Variants in RBM18 observed in about 807,000 individuals in gnomAD.
RBM18 encodes probable RNA-binding protein 18.
Under a neutral mutation model 26.4 loss-of-function variants are expected in RBM18, and 18 were observed. That is an observed-to-expected ratio of 0.68 (90% CI 0.47 to 1.01). RBM18 has a LOEUF of 1.01. RBM18 is among the 50% of genes least tolerant of loss of function. The probability of loss-of-function intolerance (pLI) is 0.00; values close to 1 mark genes in which losing one functional copy is unlikely to be tolerated. For missense variants in RBM18, 180 were observed against 219.2 expected, an observed-to-expected ratio of 0.82 and a Z score of 1.13; for synonymous variants, 74 against 81.1, an observed-to-expected ratio of 0.91 and a Z score of 0.47.
rs563593236 is a variant in RBM18 at position 122,242,111 on chromosome 9, C to G, written c.414-68G>C. The G allele has an allele frequency of 2.6e-4, 373 of 1,451,528 alleles. 5 individuals carry two copies. Among genetic ancestry groups the G allele is most frequent in the Non-Finnish European group, 4.7e-5 (50 of 1,066,764 alleles). 89.9% of individuals were successfully genotyped at this position (1,451,528 alleles called of 1,614,324 possible). On this transcript the variant is annotated intron_variant, in intron 5 of 5. Transcript: ENST00000417201. ...TTCAGAAAATAGCTGTACAGTTCCT[C>G]TCCTTGAGCCTCTTGGGAATATTAG...
At position 122,242,059 on chromosome 9, in the gene RBM18, C is replaced by T; in HGVS notation, c.414-16G>A. ...TGCAGTGACACTGGAAAAATAATAGCAGAGGATCAGAGTGGGCCTAGGTAT... is the reference window on the plus strand; with the variant it reads ...TGCAGTGACACTGGAAAAATAATAGTAGAGGATCAGAGTGGGCCTAGGTAT... On this transcript the variant is annotated splice_polypyrimidine_tract_variant and intron_variant, in intron 5 of 5. Coordinates refer to ENST00000417201, the MANE Select transcript of RBM18 (RefSeq NM_033117.4). 6.2e-7 allele frequency: 1 copy of T among 1,613,394 alleles called. No homozygotes were observed. Among genetic ancestry groups the T allele is most frequent in the African/African-American group, 1.3e-5 (1 of 74,976 alleles).
At chr9:122,244,608 A>G (rs1007400477) in intron 5 of RBM18, among the ~76,000 whole-genome samples, 1 of 152,210 alleles carries the variant, frequency 6.6e-6, no homozygotes, top group African/African-American at 2.4e-5. Flanking sequence ...GCTTCAGCGT[A>G]AGCTCAATAA....
chr9:122,247,051 C>T (rs1196107610), intron 4 of RBM18, among the ~76,000 whole-genome samples: 1 of 152,154 alleles, frequency 6.6e-6, no homozygotes, highest in African/African-American at 2.4e-5. Flanking sequence ...ACCCTAGTAA[C>T]TCCCAAGATT....
At chr9:122,247,726 C>T in intron 3 of RBM18, 122 bp from the exon 4 acceptor site, 1 of 717,044 alleles carries the variant, frequency 1.4e-6, no homozygotes, top group Non-Finnish European at 2.4e-6. Flanking sequence ...TGGTAAATAA[C>T]TGGCAAGGGT....
chr9:122,252,025 T>C, intron 2 of RBM18, 52 bp from the exon 3 acceptor site: 2 of 1,606,060 alleles, frequency 1.2e-6, no homozygotes, highest in Non-Finnish European at 1.7e-6. Context: ...TGTTGGCCAC[T>C]CAGCCTGAAG....
At chr9:122,250,039 C>G (rs977907307) in intron 3 of RBM18, among the ~76,000 whole-genome samples, 2 of 115,398 alleles carry the variant, frequency 1.7e-5, no homozygotes, top group Admixed American at 2.4e-4. Context: ...CACTGCACTC[C>G]AGCCTGGGTA....
rs1050421135 is a variant in RBM18 at position 122,253,682 on chromosome 9, G to A, written c.114-1709C>T. On this transcript the variant is annotated intron_variant, in intron 2 of 5. Coordinates refer to ENST00000417201, the MANE Select transcript of RBM18 (RefSeq NM_033117.4). Reference sequence around the variant, plus strand: ...CTAAGCCTATTCAAATCTTAACACCGTGCCAGTTGCCACAGAATGGGGAGT... The same window carrying A: ...CTAAGCCTATTCAAATCTTAACACCATGCCAGTTGCCACAGAATGGGGAGT... Among the ~76,000 whole-genome samples the A allele has an allele frequency of 8.0e-5, 12 of 150,116 alleles. 1 individual carries two copies. The highest frequency in any genetic ancestry group is 2.1e-4 in the South Asian group (1 of 4,746).
intron 3 of RBM18, among the ~76,000 whole-genome samples, chr9:122,249,717 AAAC>A (rs1474753916): frequency 3.5e-4 from 53 of 151,950 alleles, no homozygotes; most frequent in African/African-American, 1.2e-3. Flanking sequence ...TCAAAAAAAA[AAAC>A]AACAACAAAA....
At chr9:122,251,634 G>A (rs1831607594) in intron 3 of RBM18, among the ~76,000 whole-genome samples, 1 of 152,196 alleles carries the variant, frequency 6.6e-6, no homozygotes. Context: ...TGAGTCAGTT[G>A]CCTTAAACTT....
At chr9:122,259,230 T>C (rs918643302) in intron 2 of RBM18, among the ~76,000 whole-genome samples, 2 of 152,162 alleles carry the variant, frequency 1.3e-5, no homozygotes, top group East Asian at 1.9e-4. Flanking sequence ...AGGACACAAT[T>C]AGAACAAAAG....
In RBM18 at chr9:122,241,847, A is replaced by T. The variant is rs1564453884; in HGVS notation, c.*37T>A. The stretch of plus-strand genomic sequence containing the variant: ...CAGGCAGACGATTTTAGGTGTGGAG[A>T]CCAATTTGCTTTTGCTGCTACAGTA... On this transcript the variant is annotated 3_prime_UTR_variant, in exon 6 of 6. Coordinates refer to ENST00000417201, the MANE Select transcript of RBM18 (RefSeq NM_033117.4). The T allele has an allele frequency of 6.2e-7, 1 of 1,602,182 alleles. No individual in the cohort carries two copies. The highest frequency in any genetic ancestry group is 2.2e-5 in the East Asian group (1 of 44,774).
At chr9:122,253,589 TCA>T (rs1564457343) in intron 2 of RBM18, among the ~76,000 whole-genome samples, 1 of 152,060 alleles carries the variant, frequency 6.6e-6, no homozygotes, top group East Asian at 1.9e-4. Context: ...GGTGAGTCTC[TCA>T]CACACAAAGA....
rs1383790951 is a variant in RBM18, at chr9:122,242,014, G to C, written c.443C>G (p.Ala148Gly). 1.2e-6 allele frequency: 2 copies of C among 1,613,982 alleles called. No individual in the cohort carries two copies. The highest frequency in any genetic ancestry group is 1.7e-6 in the Non-Finnish European group (2 of 1,179,968). The change falls in exon 6 of 6, where the codon GCA becomes GGA. Residue 148 changes from alanine to glycine, a missense_variant. Coordinates refer to ENST00000417201, the MANE Select transcript of RBM18 (RefSeq NM_033117.4). ...SVTAKIKAIE[A>G]KLKMMAENPD... is the part of the protein sequence containing the mutation. ...ATTTTCCGCCATCATTTTCAGTTTTGCTTCAATGGCTTTTATCTTTGCAGT... is the reference window on the plus strand; with the variant it reads ...ATTTTCCGCCATCATTTTCAGTTTTCCTTCAATGGCTTTTATCTTTGCAGT...
chr9:122,249,517 C>G (rs1831563880), intron 3 of RBM18, among the ~76,000 whole-genome samples: 1 of 149,786 alleles, frequency 6.7e-6, no homozygotes, highest in Non-Finnish European at 1.5e-5. Context: ...GTTTGATCAG[C>G]CTGACAACAT....
Position 122,261,468 on chromosome 9 carries a change from G to A in RBM18, c.25C>T (p.Pro9Ser). 2.5e-6 allele frequency: 4 copies of A among 1,614,086 alleles called. No individual in the cohort carries two copies. The highest frequency in any genetic ancestry group is 3.4e-6 in the Non-Finnish European group (4 of 1,179,926). The part of the protein sequence containing the change: MEAETKTL[P>S]LENASILSEG... ...GAAAGGATGGATGCATTCTCCAGGG[G>A]AAGAGTTTTGGTTTCTGCTTCCATC... Residue 9 changes from proline to serine, a missense_variant, in exon 2 of 6, where the codon CCC (proline) becomes TCC (serine). By Grantham distance (74) the Pro-to-Ser change is moderately conservative. Transcript: ENST00000417201.
At chr9:122,242,632 T>C (rs1405808758) in intron 5 of RBM18, among the ~76,000 whole-genome samples, 1 of 151,784 alleles carries the variant, frequency 6.6e-6, no homozygotes, top group Non-Finnish European at 1.5e-5. Flanking sequence ...GTGCTTACAA[T>C]GAGCCAGGCA....
Position 122,245,290 on chromosome 9 carries a change from A to AT in RBM18, c.378dup (p.Ser127IlefsTer5). 2.5e-6 allele frequency: 4 copies of AT among 1,610,756 alleles called. No homozygotes were observed. Among genetic ancestry groups the AT allele is most frequent in the Non-Finnish European group, 3.4e-6 (4 of 1,176,928 alleles). On this transcript the variant is annotated frameshift_variant, in exon 5 of 6. Coordinates refer to ENST00000417201, the MANE Select transcript of RBM18 (RefSeq NM_033117.4). LOFTEE classifies it high-confidence loss of function. ...GACTGAGTAGGCTCAGTGCTTGAGG[A>AT]TGGCTCGAGACTGATTGGAAGAATC...
At chr9:122,256,540 G>A (rs895841294) in intron 2 of RBM18, among the ~76,000 whole-genome samples, 3 of 152,106 alleles carry the variant, frequency 2.0e-5, no homozygotes, top group Admixed American at 1.3e-4. Context: ...GCTTCTTTGT[G>A]GATGGCACTT....
intron 2 of RBM18, among the ~76,000 whole-genome samples, chr9:122,253,720 T>TA (rs574918085): frequency 0.014 from 1,824 of 131,096 alleles, 18 homozygotes; most frequent in Non-Finnish European, 0.016. Context: ...AACCTATTCT[T>TA]AAAAAAAAAA....
Sources: allele counts gnomAD v4.1 joint callset (sites outside exome capture counted in the v4.1 genomes callset), GRCh38; gene constraint gnomAD v4.1.1; transcripts MANE v1.5; gene names NCBI Gene and HGNC (gene_info 2026-07-23, HGNC 2026-07-21).